Variants in ITGAE observed in about 807,000 individuals in gnomAD.
The protein encoded by ITGAE is integrin subunit alpha E.
In ITGAE, 99 loss-of-function variants were observed where a neutral mutation model predicts 136.5. The observed-to-expected ratio is 0.73, with a 90% CI of 0.62 to 0.86. ITGAE has a LOEUF of 0.86. Ranked by LOEUF, ITGAE falls within the 40% of genes least tolerant of loss-of-function variation. The pLI is 0.00. For missense variants in ITGAE, 1,447 were observed against 1,515.3 expected (o/e 0.95, Z 0.75); for synonymous variants, 613 against 591.8 (o/e 1.04, Z -0.52).
chr17:3,752,580 A>AC (rs1175668202), intron 14 of ITGAE, among the ~76,000 whole-genome samples: 1 of 152,050 alleles, frequency 6.6e-6, no homozygotes, highest in Non-Finnish European at 1.5e-5. Flanking sequence ...ACATGGCGGA[A>AC]CCCCATCTCT....
chr17:3,718,821 G>A (rs540032533), intron 29 of ITGAE, among the ~76,000 whole-genome samples: 15 of 152,322 alleles, frequency 9.8e-5, no homozygotes, highest in African/African-American at 3.6e-4. Flanking sequence ...TTCTCTGTAT[G>A]GCTTGGATTT....
Position 3,755,891 on chromosome 17 carries a change from A to T in ITGAE, c.1178T>A (p.Val393Asp). 1 of 1,595,448 alleles carries T rather than the reference A, an allele frequency of 6.3e-7. No individual in the cohort carries two copies. Among genetic ancestry groups the T allele is most frequent in the African/African-American group, 1.3e-5 (1 of 74,822 alleles). Reference sequence around the variant, plus strand: ...CAGCTGGTAGTGAAGGGCGTCTCCAACCGTGCCTGCAAGCCAAGAAGCCCA... The same window carrying T: ...CAGCTGGTAGTGAAGGGCGTCTCCATCCGTGCCTGCAAGCCAAGAAGCCCA... ...RYNIISMEGTVGDALHYQLAQ... is the reference protein window; with the variant it reads ...RYNIISMEGTDGDALHYQLAQ... Residue 393 changes from valine (V) to aspartate (D), a missense_variant, in exon 11 of 31, where the codon GTT becomes GAT. Physicochemically the swap from Val to Asp is radical, Grantham distance 152 (BLOSUM62 -3). Around this residue, in one of 3 missense-constraint regions of ITGAE, gnomAD observed 1,031 missense variants for 1,011.4 expected, o/e 1.02. Transcript: ENST00000263087.
intron 12 of ITGAE, 59 bp from the exon 13 acceptor site, chr17:3,753,984 T>C: frequency 1.3e-6 from 2 of 1,577,044 alleles, no homozygotes; most frequent in African/African-American, 1.3e-5. Flanking sequence ...GCCTCTCTCT[T>C]GGCCCCGGCA....
intron 4 of ITGAE, 90 bp downstream of exon 4, chr17:3,761,825 G>T: frequency 1.8e-6 from 2 of 1,122,454 alleles, no homozygotes; most frequent in Admixed American, 2.0e-5. Context: ...GAACAGCATG[G>T]CAGTCAGAAC....
In ITGAE at chr17:3,785,949, C is replaced by T. The variant is rs372518008; in HGVS notation, c.35-8289G>A. Among the ~76,000 whole-genome samples, 735 of 152,022 alleles carry T rather than the reference C, an allele frequency of 4.8e-3. 7 individuals carry two copies. The highest frequency in any genetic ancestry group is 0.017 in the African/African-American group (698 of 41,472). On this transcript the variant is annotated intron_variant, in intron 1 of 30. Coordinates refer to ENST00000263087, the MANE Select transcript of ITGAE (RefSeq NM_002208.5). Reference sequence around the variant, plus strand: ...TTGGGAGGCCGAGGCGGGCGGATCACGAGGCCAGGAGATCGAGACCGTCCT... The same window carrying T: ...TTGGGAGGCCGAGGCGGGCGGATCATGAGGCCAGGAGATCGAGACCGTCCT...
At position 3,725,769 on chromosome 17, in the gene ITGAE, T is replaced by G. The variant is rs932298721; in HGVS notation, c.3085-2025A>C. ...GGAATTTGAGTTTGGAGGGATTGAC[T>G]TAGAGCAAATGCGAACCAAGTTGTC... On this transcript the variant is annotated intron_variant, in intron 26 of 30. Coordinates refer to ENST00000263087, the MANE Select transcript of ITGAE (RefSeq NM_002208.5). The G allele has an allele frequency of 6.3e-7, 1 of 1,599,356 alleles. No individual in the cohort carries two copies.
intron 12 of ITGAE, 32 bp downstream of exon 12, chr17:3,755,085 G>GC (rs780419964): frequency 3.1e-5 from 49 of 1,564,774 alleles, no homozygotes; most frequent in Middle Eastern, 3.5e-4. Flanking sequence ...TCATCAGGTG[G>GC]CCCCGCCCTC....
At chr17:3,794,970 C>T (rs748541254) in intron 1 of ITGAE, among the ~76,000 whole-genome samples, 2 of 152,188 alleles carry the variant, frequency 1.3e-5, no homozygotes, top group Non-Finnish European at 2.9e-5. Context: ...CTCCTGCCTC[C>T]AGGCCTCGAC....
intron 26 of ITGAE, 69 bp from the exon 27 acceptor site, chr17:3,723,813 C>G: frequency 6.3e-7 from 1 of 1,581,434 alleles, no homozygotes. Flanking sequence ...CCGTCCCGGC[C>G]CCGGCCCTGG....
At chr17:3,762,805 T>G (rs1410961481) in intron 3 of ITGAE, among the ~76,000 whole-genome samples, 1 of 151,940 alleles carries the variant, frequency 6.6e-6, no homozygotes, top group Non-Finnish European at 1.5e-5. Flanking sequence ...TTTCACCGTG[T>G]TAGCTAGGAT....
chr17:3,719,235 C>CAAAAAAAAAAAAAAAA (rs746282209), intron 29 of ITGAE, among the ~76,000 whole-genome samples: 2 of 66,176 alleles, frequency 3.0e-5, no homozygotes, highest in African/African-American at 5.8e-5. Flanking sequence ...GATTCTTCCT[C>CAAAAAAAAAAAAAAAA]AAAAAAAAAA....
chr17:3,757,959 T>C (rs766171289), intron 8 of ITGAE, 100 bp from the exon 9 acceptor site: 310 of 1,372,054 alleles, frequency 2.3e-4, no homozygotes, highest in Non-Finnish European at 3.0e-4. Flanking sequence ...ATTGGGAGGG[T>C]TCACAATCCT....
intron 2 of ITGAE, among the ~76,000 whole-genome samples, chr17:3,765,682 C>T (rs1280463130): frequency 6.6e-6 from 1 of 152,140 alleles, no homozygotes; most frequent in East Asian, 1.9e-4. Flanking sequence ...TCCTCAACCT[C>T]TCAGAAGCCC....
intron 28 of ITGAE, chr17:3,721,693 A>C (rs1408419726): frequency 6.6e-6 from 1 of 152,134 alleles, no homozygotes; most frequent in Non-Finnish European, 1.5e-5. Flanking sequence ...ATTAAACTTG[A>C]TCACTTGATC....
At chr17:3,797,973 C>T (rs2053161672) in intron 1 of ITGAE, among the ~76,000 whole-genome samples, 1 of 152,222 alleles carries the variant, frequency 6.6e-6, no homozygotes, top group Admixed American at 6.5e-5. Flanking sequence ...TCCAAGCTCC[C>T]CCAGGCCGGC....
chr17:3,776,999 C>T (rs375064651), intron 2 of ITGAE, among the ~76,000 whole-genome samples: 13 of 143,070 alleles, frequency 9.1e-5, no homozygotes, highest in South Asian at 2.2e-4. Context: ...CTCGCTCTGT[C>T]GCCCAGGCTG....
rs931207169 is a variant in ITGAE at position 3,794,268 on chromosome 17, T to C, written c.34+6843A>G. On this transcript the variant is annotated intron_variant, in intron 1 of 30. Transcript: ENST00000263087. ...CTGGAATTACAGGCGTGAGCCACCG[T>C]GCCTGGCCTCTAATTTTTTTTTAAA... is the stretch of plus-strand genomic sequence containing the variant. Among the ~76,000 whole-genome samples, 5 of 152,130 alleles carry C rather than the reference T, an allele frequency of 3.3e-5. No homozygotes were observed. In the East Asian group the frequency reaches 9.6e-4, roughly 29 times the overall value.
At chr17:3,785,920 A>C (rs1043147733) in intron 1 of ITGAE, among the ~76,000 whole-genome samples, 1 of 151,820 alleles carries the variant, frequency 6.6e-6, no homozygotes, top group Non-Finnish European at 1.5e-5. Context: ...GTAATCCCAG[A>C]ACTTTGGGAG....
In ITGAE at chr17:3,727,933, G is replaced by C. The variant is rs776734240; in HGVS notation, c.3070C>G (p.Leu1024Val). ...RGLQVVAVKKLTRTQASTVCT... is the reference protein window; with the variant it reads ...RGLQVVAVKKVTRTQASTVCT... ...CCTTTAAATACCTGAGTCCTCGTCA[G>C]CTTCTTCACTGCTACAACCTGGAGA... Residue 1024 changes from leucine to valine, a missense_variant, in exon 26 of 31, where the codon CTG (leucine) becomes GTG (valine). Around this residue, in one of 3 missense-constraint regions of ITGAE, gnomAD observed 1,031 missense variants for 1,011.4 expected, o/e 1.02. Transcript: ENST00000263087. 3.7e-6 allele frequency: 6 copies of C among 1,611,124 alleles called. No individual in the cohort carries two copies. Among genetic ancestry groups the C allele is most frequent in the African/African-American group, 1.3e-5 (1 of 74,792 alleles).
Sources: allele counts gnomAD v4.1 joint callset (sites outside exome capture counted in the v4.1 genomes callset), GRCh38; gene constraint gnomAD v4.1.1; regional missense constraint gnomAD v4.1.1; transcripts MANE v1.5; gene names NCBI Gene and HGNC (gene_info 2026-07-23, HGNC 2026-07-21).